The following GPR158 variants were observed in gnomAD, a reference collection of about 807,000 sequenced individuals.
GPR158 encodes the protein metabotropic glycine receptor.
GPR158 carries 30 observed loss-of-function variants against 78.2 expected under a neutral mutation model. The ratio of observed to expected loss-of-function variants is 0.38; its 90% CI spans 0.29 to 0.52. The LOEUF is 0.52. Among genes scored for constraint, GPR158 ranks in the 20% least tolerant of loss-of-function variants. GPR158 has a pLI of 0.83. For synonymous variants in GPR158, 581 were observed against 591.1 expected (o/e 0.98, Z 0.25); for missense variants, 1,463 against 1,523.5 (o/e 0.96, Z 0.66).
chr10:25,295,919 C>T (rs1264914026), intron 2 of GPR158, among the ~76,000 whole-genome samples: 1 of 151,966 alleles, frequency 6.6e-6, no homozygotes, highest in Non-Finnish European at 1.5e-5. Context: ...TCCCTGAATC[C>T]CCCGTTAAGA....
intron 2 of GPR158, among the ~76,000 whole-genome samples, chr10:25,362,816 TTAG>T (rs2130536135): frequency 6.6e-6 from 1 of 152,088 alleles, no homozygotes; most frequent in East Asian, 1.9e-4. Context: ...AATTCATTTA[TTAG>T]TTCTAACAGA....
chr10:25,449,582 G>A (rs1265373349), intron 4 of GPR158, among the ~76,000 whole-genome samples: 1 of 152,172 alleles, frequency 6.6e-6, no homozygotes, highest in Non-Finnish European at 1.5e-5. Flanking sequence ...TAGAACAGTG[G>A]TTACCAGGGG....
At chr10:25,311,052 C>G (rs1422580400) in intron 2 of GPR158, among the ~76,000 whole-genome samples, 1 of 151,956 alleles carries the variant, frequency 6.6e-6, no homozygotes, top group Non-Finnish European at 1.5e-5. Flanking sequence ...GTTCCTCAGT[C>G]TCTTATTCAT....
chr10:25,368,672 T>C (rs1833940343), intron 2 of GPR158, among the ~76,000 whole-genome samples: 1 of 151,742 alleles, frequency 6.6e-6, no homozygotes. Context: ...GAAAGCAGTG[T>C]GGTGATTCTT....
At position 25,597,864 on chromosome 10, in the gene GPR158, G is replaced by A. The variant is rs550603836; in HGVS notation, c.2238G>A (p.Ser746=). The change falls in exon 11 of 11, where the codon TCG becomes TCA. Residue 746 remains serine (S), a synonymous_variant. Coordinates refer to ENST00000376351, the MANE Select transcript of GPR158 (RefSeq NM_020752.3). ...NNPHLQKKRC[S]KKGLGRSIMR... The stretch of plus-strand genomic sequence containing the variant: ...CCCACCTCCAGAAAAAGCGGTGCTC[G>A]AAGAAGGGCCTAGGTCGTTCCATCA... The A allele has an allele frequency of 9.7e-4, 1,513 of 1,555,080 alleles. 33 individuals are homozygous for A. The South Asian group carries it at 0.017, about 18-fold the overall frequency.
At chr10:25,466,829 G>T in intron 5 of GPR158, 110 bp downstream of exon 5, 1 of 519,986 alleles carries the variant, frequency 1.9e-6, no homozygotes, top group East Asian at 3.2e-5. Flanking sequence ...GGTGTTACTA[G>T]GAAGTGTGGA....
intron 5 of GPR158, among the ~76,000 whole-genome samples, chr10:25,482,875 A>AT (rs909009772): frequency 9.2e-5 from 14 of 151,882 alleles, no homozygotes; most frequent in African/African-American, 2.9e-4. Flanking sequence ...TAACAATTCA[A>AT]TTTTTTTCTG....
At chr10:25,388,800 G>T (rs1330306174) in intron 2 of GPR158, among the ~76,000 whole-genome samples, 1 of 152,218 alleles carries the variant, frequency 6.6e-6, no homozygotes, top group Non-Finnish European at 1.5e-5. Context: ...GGCCTGGGAA[G>T]GCCCCCTCCC....
At chr10:25,253,900 T>C (rs1444255154) in intron 2 of GPR158, among the ~76,000 whole-genome samples, 1 of 152,144 alleles carries the variant, frequency 6.6e-6, no homozygotes, top group Non-Finnish European at 1.5e-5. Context: ...AACTAATACA[T>C]CAGAGTAATA....
At chr10:25,269,152 A>T (rs559060533) in intron 2 of GPR158, among the ~76,000 whole-genome samples, 83 of 152,350 alleles carry the variant, frequency 5.4e-4, no homozygotes, top group Non-Finnish European at 9.3e-4. Context: ...AATTTCTGAC[A>T]ATAAATCGTA....
intron 2 of GPR158, among the ~76,000 whole-genome samples, chr10:25,253,180 C>G (rs1037781399): frequency 1.8e-4 from 26 of 143,504 alleles, no homozygotes; most frequent in South Asian, 9.3e-4. Context: ...GCTCGCGCAC[C>G]GTGCGCGCAC....
Position 25,599,298 on chromosome 10 carries a change from G to T in GPR158, c.*24G>T. ...AGCATCTCCAGGAAGAAGAGGAAAAGGAGGGAACCCCGGATTGGATATGAG... is the reference window on the plus strand; with the variant it reads ...AGCATCTCCAGGAAGAAGAGGAAAATGAGGGAACCCCGGATTGGATATGAG... On this transcript the variant is annotated 3_prime_UTR_variant, in exon 11 of 11. Transcript: ENST00000376351. 1 of 1,537,186 alleles carries T rather than the reference G, an allele frequency of 6.5e-7. No homozygotes were observed.
At chr10:25,461,988 C>T (rs943096598) in intron 4 of GPR158, among the ~76,000 whole-genome samples, 6 of 152,098 alleles carry the variant, frequency 3.9e-5, no homozygotes, top group Non-Finnish European at 8.8e-5. Context: ...GATCCACCCA[C>T]GTTGGCCTCC....
intron 4 of GPR158, among the ~76,000 whole-genome samples, chr10:25,457,377 T>G (rs570849517): frequency 1.3e-5 from 2 of 152,186 alleles, no homozygotes; most frequent in South Asian, 4.1e-4. Context: ...TATTTAAGAA[T>G]GTACAATAAC....
intron 5 of GPR158, among the ~76,000 whole-genome samples, chr10:25,541,951 TAAA>T (rs1471921106): frequency 6.8e-6 from 1 of 147,592 alleles, no homozygotes; most frequent in Non-Finnish European, 1.5e-5. Flanking sequence ...TATAATTATA[TAAA>T]TTATATATTA....
chr10:25,486,812 CA>C (rs1554807974), intron 5 of GPR158, among the ~76,000 whole-genome samples: 11 of 150,468 alleles, frequency 7.3e-5, no homozygotes, highest in African/African-American at 2.7e-4. Context: ...TATGATAGAC[CA>C]TTTTTTTTTG....
chr10:25,396,044 T>C (rs1240120732), intron 3 of GPR158, 31 bp downstream of exon 3: 9 of 922,070 alleles, frequency 9.8e-6, no homozygotes, highest in Admixed American at 1.8e-5. Flanking sequence ...TGTATATATA[T>C]GTATATACAT....
At chr10:25,215,221 A>G (rs534250529) in intron 1 of GPR158, among the ~76,000 whole-genome samples, 12 of 152,228 alleles carry the variant, frequency 7.9e-5, no homozygotes, top group Non-Finnish European at 1.6e-4. Flanking sequence ...TACAACATGG[A>G]TGAACCTCGG....
intron 5 of GPR158, among the ~76,000 whole-genome samples, chr10:25,532,987 T>G (rs1273531771): frequency 3.8e-5 from 5 of 133,040 alleles, no homozygotes; most frequent in Non-Finnish European, 1.8e-5. Flanking sequence ...CTTAATTCCC[T>G]TAATGCATGG....
Sources: gnomAD v4.1 joint callset for allele counts (sites outside exome capture counted in the v4.1 genomes callset) on GRCh38, gnomAD v4.1.1 for gene constraint, MANE v1.5 for transcripts, NCBI Gene and HGNC (gene_info 2026-07-23, HGNC 2026-07-21) for gene names.